Variants in STOX1 observed in about 807,000 individuals in gnomAD.
The protein encoded by STOX1 is storkhead-box protein 1.
A neutral mutation model predicts 74.8 loss-of-function variants in STOX1; 57 were observed. The ratio of observed to expected loss-of-function variants is 0.76; its 90% CI spans 0.62 to 0.95. The LOEUF (loss-of-function observed/expected upper bound fraction) is 0.95, where lower values mean the gene tolerates loss of function less well. STOX1 is among the 40% of genes least tolerant of loss of function. STOX1 has a pLI of 0.00. For synonymous variants in STOX1, 375 were observed against 401.3 expected (o/e 0.93, Z 0.78); for missense variants, 1,010 against 1,117.0 (o/e 0.90, Z 1.37).
chr10:68,892,527 C>T, intron 3 of STOX1, 62 bp from the exon 4 acceptor site: 1 of 1,480,328 alleles, frequency 6.8e-7, no homozygotes, highest in Non-Finnish European at 9.4e-7. Flanking sequence ...AAGTATAATG[C>T]CTTGGTTAGA....
intron 1 of STOX1, among the ~76,000 whole-genome samples, chr10:68,833,533 A>G (rs889295379): frequency 6.6e-6 from 1 of 152,094 alleles, no homozygotes; most frequent in African/African-American, 2.4e-5. Flanking sequence ...TGAGAGGGTC[A>G]TGATCAATTG....
At chr10:68,836,710 C>G (rs561595079) in intron 1 of STOX1, among the ~76,000 whole-genome samples, 1 of 152,300 alleles carries the variant, frequency 6.6e-6, no homozygotes, top group South Asian at 2.1e-4. Flanking sequence ...CTCTGGGCCT[C>G]TAGTTCTTTA....
intron 1 of STOX1, among the ~76,000 whole-genome samples, chr10:68,848,409 G>T (rs1839904865): frequency 6.6e-6 from 1 of 152,114 alleles, no homozygotes; most frequent in Non-Finnish European, 1.5e-5. Context: ...CTTTTGTGTG[G>T]GCTTTCCATG....
At chr10:68,846,848 G>C (rs72801509) in intron 1 of STOX1, 9,177 of 152,210 alleles carry the variant, frequency 0.06, 423 homozygotes, top group Non-Finnish European at 0.089. Context: ...AAACGATATA[G>C]AGAAGATTAG....
At chr10:68,880,404 A>C (rs1456685931) in intron 1 of STOX1, among the ~76,000 whole-genome samples, 2 of 152,100 alleles carry the variant, frequency 1.3e-5, no homozygotes, top group African/African-American at 2.4e-5. Context: ...CTGATCTGGA[A>C]TTCCTGGCCT....
At position 68,884,599 on chromosome 10, in the gene STOX1, G is replaced by A. The variant is rs2131995717; in HGVS notation, c.803G>A (p.Ser268Asn). 6.2e-7 allele frequency: 1 copy of A among 1,613,886 alleles called. No individual in the cohort carries two copies. Among genetic ancestry groups the A allele is most frequent in the Non-Finnish European group, 8.5e-7 (1 of 1,180,012 alleles). ...APVAAEVTRK[S>N]HRGLGESVSW... ...GTTGCTGCAGAAGTGACTAGGAAGA[G>A]TCACAGAGGTCTTGGGGAATCCGTA... Residue 268 changes from serine to asparagine, a missense_variant, in exon 3 of 4, where the codon AGT becomes AAT. Coordinates refer to ENST00000298596, the MANE Select transcript of STOX1 (RefSeq NM_152709.5).
chr10:68,835,224 T>C (rs932148713), intron 1 of STOX1, among the ~76,000 whole-genome samples: 1 of 151,846 alleles, frequency 6.6e-6, no homozygotes, highest in African/African-American at 2.4e-5. Flanking sequence ...GTATTTTTAA[T>C]AGAGACGGGG....
At chr10:68,867,026 G>A (rs920787700) in intron 1 of STOX1, among the ~76,000 whole-genome samples, 1 of 148,166 alleles carries the variant, frequency 6.7e-6, no homozygotes, top group African/African-American at 2.5e-5. Context: ...GTCACTGCAA[G>A]CTCCGCCTCC....
chr10:68,866,679 C>T (rs1840413147), intron 1 of STOX1, among the ~76,000 whole-genome samples: 1 of 152,230 alleles, frequency 6.6e-6, no homozygotes, highest in African/African-American at 2.4e-5. Context: ...TCCTACCGTT[C>T]CTTCTGGCAG....
Position 68,892,827 on chromosome 10 carries a change from T to A in STOX1, c.*91T>A. The A allele has an allele frequency of 1.4e-6, 2 of 1,397,052 alleles. No homozygotes were observed. Among genetic ancestry groups the A allele is most frequent in the East Asian group, 4.7e-5 (2 of 42,160 alleles). 86.5% of individuals were successfully genotyped at this position (1,397,052 alleles called of 1,614,324 possible). A position where few individuals can be genotyped will look rare whatever the true frequency, so the allele number is the denominator to read the frequency against. On this transcript the variant is annotated 3_prime_UTR_variant, in exon 4 of 4. Coordinates refer to ENST00000298596, the MANE Select transcript of STOX1 (RefSeq NM_152709.5). ...CATGTAAGAATTGAGTATATAAGAATTGTCTAAAGGCAAGCATATCTATAC... is the reference window on the plus strand; with the variant it reads ...CATGTAAGAATTGAGTATATAAGAAATGTCTAAAGGCAAGCATATCTATAC...
At chr10:68,835,125 T>C (rs1839511512) in intron 1 of STOX1, among the ~76,000 whole-genome samples, 1 of 152,162 alleles carries the variant, frequency 6.6e-6, no homozygotes, top group Admixed American at 6.6e-5. Context: ...CACTGTAGCC[T>C]CCACCTCCTG....
intron 1 of STOX1, among the ~76,000 whole-genome samples, chr10:68,863,931 T>G (rs1840332223): frequency 6.6e-6 from 1 of 151,454 alleles, no homozygotes; most frequent in Non-Finnish European, 1.5e-5. Flanking sequence ...TTTTTTTTTT[T>G]TTTTTTTCTC....
Position 68,884,587 on chromosome 10 carries a change from T to C in STOX1, c.791T>C (p.Val264Ala), listed in dbSNP as rs771881906. 4.2e-5 allele frequency: 67 copies of C among 1,613,788 alleles called. No homozygotes were observed. Among genetic ancestry groups the C allele is most frequent in the Non-Finnish European group, 5.7e-5 (67 of 1,180,020 alleles). ...CAGGAAGCACCAGTTGCTGCAGAAG[T>C]GACTAGGAAGAGTCACAGAGGTCTT... ...DVQEAPVAAE[V>A]TRKSHRGLGE... The change falls in exon 3 of 4, where the codon GTG becomes GCG. Residue 264 changes from valine (V) to alanine (A), a missense_variant. Transcript: ENST00000298596.
In STOX1 at chr10:68,886,414, C is replaced by T; in HGVS notation, c.2618C>T (p.Thr873Ile). 5.0e-6 allele frequency: 8 copies of T among 1,614,186 alleles called. No individual in the cohort carries two copies. Among genetic ancestry groups the T allele is most frequent in the Non-Finnish European group, 6.8e-6 (8 of 1,180,034 alleles). ...ASFEAEVIQD[T>I]IGDTGKKPAS... ...TTTGAAGCTGAAGTCATACAAGACA[C>T]TATTGGTGACACAGGAAAGAAGCCA... Residue 873 changes from threonine (T) to isoleucine (I), a missense_variant, in exon 3 of 4, where the codon ACT (threonine) becomes ATT (isoleucine). Thr to Ile is a moderately conservative substitution (Grantham distance 89, BLOSUM62 -1). Coordinates refer to ENST00000298596, the MANE Select transcript of STOX1 (RefSeq NM_152709.5).
chr10:68,848,269 C>T (rs1028833717), intron 1 of STOX1, among the ~76,000 whole-genome samples: 2 of 152,176 alleles, frequency 1.3e-5, no homozygotes, highest in African/African-American at 4.8e-5. Flanking sequence ...GCCCTTAGTC[C>T]CTGCTAATGG....
chr10:68,852,183 T>C (rs2133538828), intron 1 of STOX1, among the ~76,000 whole-genome samples: 1 of 151,910 alleles, frequency 6.6e-6, no homozygotes, highest in Non-Finnish European at 1.5e-5. Flanking sequence ...CTGTTGTTTC[T>C]GATGAGAAGT....
chr10:68,861,266 G>A (rs944803540), intron 1 of STOX1, among the ~76,000 whole-genome samples: 1 of 152,090 alleles, frequency 6.6e-6, no homozygotes. Flanking sequence ...GATAAACATC[G>A]TTTCTGCAGT....
chr10:68,829,055 C>T, intron 1 of STOX1: 1 of 933,630 alleles, frequency 1.1e-6, no homozygotes, highest in Non-Finnish European at 1.3e-6. Context: ...GCTGCAAGGG[C>T]CATTTGATGG....
intron 3 of STOX1, among the ~76,000 whole-genome samples, chr10:68,892,189 T>C (rs1462179713): frequency 6.6e-6 from 1 of 152,090 alleles, no homozygotes; most frequent in East Asian, 1.9e-4. Flanking sequence ...GAAAAGAACA[T>C]TGTAATATTA....
Sources: gnomAD v4.1 joint callset for allele counts (sites outside exome capture counted in the v4.1 genomes callset) on GRCh38, gnomAD v4.1.1 for gene constraint, MANE v1.5 for transcripts, NCBI Gene and HGNC (gene_info 2026-07-23, HGNC 2026-07-21) for gene names.